Variants in UCHL3 observed in about 807,000 individuals in gnomAD.
UCHL3 encodes ubiquitin C-terminal hydrolase L3, also known as ubiquitin carboxyl-terminal hydrolase isozyme L3.
UCHL3 carries 22 observed loss-of-function variants against 35.8 expected under a neutral mutation model. That is an observed-to-expected ratio of 0.61 (90% CI 0.44 to 0.88). UCHL3 has a LOEUF of 0.88. Among genes scored for constraint, UCHL3 ranks in the 40% least tolerant of loss-of-function variants. UCHL3 has a pLI of 0.00. For missense variants in UCHL3, 229 were observed against 276.9 expected (o/e 0.83, Z 1.23); for synonymous variants, 90 against 92.8 (o/e 0.97, Z 0.17).
At chr13:75,568,610 A>G (rs2031761045) in intron 5 of UCHL3, among the ~76,000 whole-genome samples, 1 of 151,986 alleles carries the variant, frequency 6.6e-6, no homozygotes, top group South Asian at 2.1e-4. Context: ...ATGGCTGCAT[A>G]GCTTTCCATT....
At chr13:75,570,479 A>T (rs7985714) in intron 6 of UCHL3, among the ~76,000 whole-genome samples, 1 of 152,216 alleles carries the variant, frequency 6.6e-6, no homozygotes, top group South Asian at 2.1e-4. Flanking sequence ...CTTGTGATCC[A>T]CCTGTCTCAG....
Position 75,574,544 on chromosome 13 carries a change from G to A in UCHL3, c.474+5037G>A, listed in dbSNP as rs572108865. Reference sequence around the variant, plus strand: ...ACTGACTCCACTGCTTATTAGCTTAGGCAGGATACTTTCTTCAGCACAAAA... The same window carrying A: ...ACTGACTCCACTGCTTATTAGCTTAAGCAGGATACTTTCTTCAGCACAAAA... On this transcript the variant is annotated intron_variant, in intron 6 of 8. Coordinates refer to ENST00000377595, the MANE Select transcript of UCHL3 (RefSeq NM_006002.5). 2.0e-5 allele frequency among the ~76,000 whole-genome samples: 3 copies of A among 152,264 alleles called. No individual in the cohort carries two copies. The South Asian group carries it at 6.2e-4, about 32-fold the overall frequency.
chr13:75,584,729 A>G (rs1009972462), intron 6 of UCHL3, among the ~76,000 whole-genome samples: 1 of 152,224 alleles, frequency 6.6e-6, no homozygotes, highest in South Asian at 2.1e-4. Flanking sequence ...GTTCTATCAC[A>G]TGGGTAATAT....
At chr13:75,561,010 AG>A in intron 3 of UCHL3, 129 bp downstream of exon 3, 1 of 792,552 alleles carries the variant, frequency 1.3e-6, no homozygotes, top group Non-Finnish European at 1.8e-6. Context: ...GGCTTACTGC[AG>A]TCTCAACCTC....
intron 6 of UCHL3, among the ~76,000 whole-genome samples, chr13:75,584,703 A>G (rs1054483505): frequency 1.3e-5 from 2 of 152,178 alleles, no homozygotes; most frequent in Admixed American, 6.6e-5. Flanking sequence ...GCTCAAGTGG[A>G]AAAGATGGAA....
chr13:75,575,977 C>T (rs1024278671), intron 6 of UCHL3, among the ~76,000 whole-genome samples: 10 of 152,042 alleles, frequency 6.6e-5, no homozygotes, highest in African/African-American at 1.7e-4. Context: ...ATTTTGAGTT[C>T]CTGGCTTCAG....
chr13:75,560,859 T>G lies in UCHL3; in HGVS notation c.161T>G (p.Leu54Arg). Residue 54 changes from leucine (L) to arginine (R), a missense_variant, in exon 3 of 9, where the codon CTT becomes CGT. Leu to Arg is a moderately radical substitution (Grantham distance 102, BLOSUM62 -2). Coordinates refer to ENST00000377595, the MANE Select transcript of UCHL3 (RefSeq NM_006002.5). ...MVPRPVCAVL[L>R]LFPITEKYEV... Reference sequence around the variant, plus strand: ...CCAAGACCAGTCTGTGCAGTCTTACTTCTCTTTCCTATTACAGAAAAGGTA... The same window carrying G: ...CCAAGACCAGTCTGTGCAGTCTTACGTCTCTTTCCTATTACAGAAAAGGTA... 1.3e-6 allele frequency: 2 copies of G among 1,524,968 alleles called. No homozygotes were observed. Among genetic ancestry groups the G allele is most frequent in the Non-Finnish European group, 1.7e-6 (2 of 1,145,300 alleles). 94.5% of individuals were successfully genotyped at this position (1,524,968 alleles called of 1,614,324 possible). A position where few individuals can be genotyped will look rare whatever the true frequency, so the allele number is the denominator to read the frequency against.
intron 2 of UCHL3, 60 bp from the exon 3 acceptor site, chr13:75,560,693 C>CA: frequency 1.4e-6 from 2 of 1,461,010 alleles, no homozygotes; most frequent in Non-Finnish European, 1.9e-6. Flanking sequence ...GTATAGTATA[C>CA]TAGTTTTCTT....
chr13:75,565,742 A>G (rs1395177270), intron 3 of UCHL3, among the ~76,000 whole-genome samples: 1 of 152,190 alleles, frequency 6.6e-6, no homozygotes, highest in Non-Finnish European at 1.5e-5. Context: ...AAAGTTATGG[A>G]AAAACTATAA....
At chr13:75,558,029 A>G (rs2031351160) in intron 2 of UCHL3, among the ~76,000 whole-genome samples, 1 of 150,276 alleles carries the variant, frequency 6.7e-6, no homozygotes, top group African/African-American at 2.5e-5. Flanking sequence ...TCCATTTCCC[A>G]GAGGTAGTCT....
At chr13:75,586,385 CTG>C (rs1235841110) in intron 6 of UCHL3, among the ~76,000 whole-genome samples, 1 of 151,986 alleles carries the variant, frequency 6.6e-6, no homozygotes, top group African/African-American at 2.4e-5. Context: ...GAGGCAAACA[CTG>C]TTAGAACTGA....
chr13:75,575,635 AG>A (rs1188711784), intron 6 of UCHL3, among the ~76,000 whole-genome samples: 3 of 152,242 alleles, frequency 2.0e-5, no homozygotes, highest in Admixed American at 6.5e-5. Context: ...ACTTGCCCCA[AG>A]GTCACATATC....
intron 7 of UCHL3, among the ~76,000 whole-genome samples, chr13:75,596,477 AAT>A (rs1210402157): frequency 6.6e-6 from 1 of 152,148 alleles, no homozygotes; most frequent in Non-Finnish European, 1.5e-5. Context: ...CTGAATTGTG[AAT>A]AGTAAATAAT....
At chr13:75,603,328 C>T (rs962158898) in intron 7 of UCHL3, among the ~76,000 whole-genome samples, 4 of 152,002 alleles carry the variant, frequency 2.6e-5, no homozygotes, top group Admixed American at 2.0e-4. Context: ...ATGATGGAAA[C>T]CAGGAAAATA....
intron 6 of UCHL3, among the ~76,000 whole-genome samples, chr13:75,577,271 G>A (rs2032052275): frequency 6.6e-6 from 1 of 151,628 alleles, no homozygotes; most frequent in Non-Finnish European, 1.5e-5. Context: ...AAAATATTTG[G>A]AAAAAAAAGA....
upstream of UCHL3, chr13:75,549,729 T>C: frequency 2.1e-6 from 3 of 1,407,332 alleles, no homozygotes; most frequent in Non-Finnish European, 2.8e-6. Context: ...GGCGGTGTGT[T>C]GGGAGGGCCC....
chr13:75,557,372 A>G (rs868502388), intron 2 of UCHL3, among the ~76,000 whole-genome samples: 22 of 152,248 alleles, frequency 1.4e-4, no homozygotes, highest in Admixed American at 3.9e-4. Context: ...ATTGGACCAT[A>G]GAATAAAAAG....
At position 75,569,491 on chromosome 13, in the gene UCHL3, A is replaced by G. The variant is rs1593732748; in HGVS notation, c.458A>G (p.His153Arg). 1 of 1,610,696 alleles carries G rather than the reference A, an allele frequency of 6.2e-7. No individual in the cohort carries two copies. Among genetic ancestry groups the G allele is most frequent in the African/African-American group, 1.3e-5 (1 of 74,826 alleles). The stretch of plus-strand genomic sequence containing the variant: ...CGAGTTACTCATGAGACCAGTGCCC[A>G]TGAAGGTCAGACTGAGGTATTTCAC... Reference protein sequence around the residue: ...AIRVTHETSAHEGQTEAPSID... With the variant: ...AIRVTHETSAREGQTEAPSID... Residue 153 changes from histidine to arginine, a missense_variant, in exon 6 of 9, where the codon CAT becomes CGT. Physicochemically the swap from His to Arg is conservative, Grantham distance 29. Transcript: ENST00000377595.
At chr13:75,569,623 T>A in intron 6 of UCHL3, 116 bp downstream of exon 6, 1 of 961,662 alleles carries the variant, frequency 1.0e-6, no homozygotes, top group Non-Finnish European at 1.5e-6. Context: ...GTTACTTGGC[T>A]TTTTGTTTTT....
Sources: gnomAD v4.1 joint callset for allele counts (sites outside exome capture counted in the v4.1 genomes callset) on GRCh38, gnomAD v4.1.1 for gene constraint, MANE v1.5 for transcripts, NCBI Gene and HGNC (gene_info 2026-07-23, HGNC 2026-07-21) for gene names.